CDK14: variants seen among roughly 807,000 people sequenced by gnomAD.
CDK14 encodes the protein cyclin dependent kinase 14.
In CDK14, 34 loss-of-function variants were observed where a neutral mutation model predicts 60.7. The observed-to-expected ratio is 0.56, with a 90% CI of 0.43 to 0.75. The LOEUF is 0.75. CDK14 is among the 30% of genes least tolerant of loss of function. CDK14 has a pLI of 0.00. For synonymous variants in CDK14, 197 were observed against 203.7 expected, an observed-to-expected ratio of 0.97 and a Z score of 0.28; for missense variants, 482 against 564.1, an observed-to-expected ratio of 0.85 and a Z score of 1.47.
intron 5 of CDK14, among the ~76,000 whole-genome samples, chr7:90,855,857 C>G (rs1790802562): frequency 6.6e-6 from 1 of 152,130 alleles, no homozygotes; most frequent in African/African-American, 2.4e-5. Context: ...TGGAAGTAGC[C>G]TGTATCTCAC....
intron 10 of CDK14, among the ~76,000 whole-genome samples, chr7:90,985,347 C>T (rs1214106347): frequency 6.6e-6 from 1 of 152,038 alleles, no homozygotes; most frequent in Non-Finnish European, 1.5e-5. Context: ...ATAATAACAG[C>T]ACCTTCTTCA....
At chr7:91,036,859 T>C (rs1796949263) in intron 10 of CDK14, among the ~76,000 whole-genome samples, 1 of 152,170 alleles carries the variant, frequency 6.6e-6, no homozygotes, top group African/African-American at 2.4e-5. Context: ...CCCTGCATTG[T>C]TCAAGGGCCA....
In CDK14 at chr7:90,660,594, G is replaced by A. The variant is rs548219277; in HGVS notation, c.123+56345G>A. Among the ~76,000 whole-genome samples the A allele has an allele frequency of 2.4e-4, 37 of 152,226 alleles. No homozygotes were observed. In the South Asian group the frequency reaches 5.2e-3, roughly 21 times the overall value. Reference sequence around the variant, plus strand: ...AGAATTTCTGGTGTCAAAATGTGACGAACTAACAGATAAAATAATGTGTAT... The same window carrying A: ...AGAATTTCTGGTGTCAAAATGTGACAAACTAACAGATAAAATAATGTGTAT... On this transcript the variant is annotated intron_variant, in intron 2 of 14. Coordinates refer to ENST00000380050, the MANE Select transcript of CDK14 (RefSeq NM_001287135.2).
At chr7:91,056,109 T>G (rs2073067993) in intron 11 of CDK14, among the ~76,000 whole-genome samples, 2 of 152,104 alleles carry the variant, frequency 1.3e-5, no homozygotes, top group African/African-American at 4.8e-5. Flanking sequence ...GGATTGGAAG[T>G]TTGGATGTAA....
chr7:91,095,927 C>T (rs2666025), intron 12 of CDK14, among the ~76,000 whole-genome samples: 16,404 of 151,478 alleles, frequency 0.11, 1,062 homozygotes, highest in Non-Finnish European at 0.15. Context: ...AGAGTTTCTG[C>T]TTAGGGTGAT....
chr7:91,176,041 T>C (rs535393546), intron 14 of CDK14, among the ~76,000 whole-genome samples: 15 of 152,178 alleles, frequency 9.9e-5, no homozygotes, highest in South Asian at 6.2e-4. Flanking sequence ...TATTCCAAAA[T>C]TGACCACATA....
chr7:90,794,165 T>C (rs945016243), intron 5 of CDK14, among the ~76,000 whole-genome samples: 4 of 152,086 alleles, frequency 2.6e-5, no homozygotes, highest in African/African-American at 9.7e-5. Flanking sequence ...GGAGGGAGTG[T>C]ATGAATAGGA....
rs185142822 is a variant in CDK14 at position 90,850,397 on chromosome 7, T to G, written c.545-12778T>G. ...GTGCTATGGGCACAGCAGGAGTAAG[T>G]GTAAATAATGAGTGAGTGGGGGATA... is the stretch of plus-strand genomic sequence containing the variant. On this transcript the variant is annotated intron_variant, in intron 5 of 14. Coordinates refer to ENST00000380050, the MANE Select transcript of CDK14 (RefSeq NM_001287135.2). Among the ~76,000 whole-genome samples the G allele has an allele frequency of 4.6e-5, 7 of 152,172 alleles. No individual in the cohort carries two copies. In the East Asian group the frequency reaches 1.4e-3, roughly 29 times the overall value.
At chr7:90,816,263 T>C (rs1213689250) in intron 5 of CDK14, among the ~76,000 whole-genome samples, 3 of 152,068 alleles carry the variant, frequency 2.0e-5, no homozygotes, top group Non-Finnish European at 2.9e-5. Flanking sequence ...GTACTTCCAC[T>C]CCACATCAAC....
intron 1 of CDK14, among the ~76,000 whole-genome samples, chr7:90,600,366 T>A (rs1227046582): frequency 6.6e-6 from 1 of 152,242 alleles, no homozygotes; most frequent in Non-Finnish European, 1.5e-5. Context: ...GAGAAAGGCT[T>A]TATGTAATAT....
intron 5 of CDK14, among the ~76,000 whole-genome samples, chr7:90,792,198 C>CTTTTTTTT (rs35700270): frequency 1.4e-5 from 2 of 143,552 alleles, no homozygotes; most frequent in Admixed American, 6.9e-5. Context: ...CTGTGCCTGC[C>CTTTTTTTT]TTTTTTTTTT....
chr7:90,668,874 AT>A (rs376626521), intron 2 of CDK14, among the ~76,000 whole-genome samples: 7,134 of 143,968 alleles, frequency 0.05, 204 homozygotes, highest in Non-Finnish European at 0.056. Flanking sequence ...GTGCCTGGCT[AT>A]TTTTTTTTTG....
rs1332024825 is a variant in CDK14, at chr7:90,622,296, A to G, written c.123+18047A>G. On this transcript the variant is annotated intron_variant, in intron 2 of 14. Coordinates refer to ENST00000380050, the MANE Select transcript of CDK14 (RefSeq NM_001287135.2). ...TTATCCCTGTTGTTTGGAAACTACA[A>G]TTTGGAATATTCTGTGCACATTTAA... is the stretch of plus-strand genomic sequence containing the variant. Among the ~76,000 whole-genome samples, 10 of 150,856 alleles carry G rather than the reference A, an allele frequency of 6.6e-5. No individual in the cohort carries two copies. In the East Asian group the frequency reaches 1.7e-3, roughly 26 times the overall value.
intron 14 of CDK14, among the ~76,000 whole-genome samples, chr7:91,182,162 C>G (rs1162826631): frequency 6.6e-6 from 1 of 152,134 alleles, no homozygotes; most frequent in Non-Finnish European, 1.5e-5. Context: ...TGCACACACA[C>G]TAGCCTCAGA....
chr7:90,895,300 C>G (rs1445829022), intron 6 of CDK14, among the ~76,000 whole-genome samples: 1 of 120,578 alleles, frequency 8.3e-6, no homozygotes, highest in African/African-American at 3.1e-5. Flanking sequence ...TGTCACTTTT[C>G]CCATTCTTTC....
At chr7:90,843,476 GAT>G (rs1280719750) in intron 5 of CDK14, among the ~76,000 whole-genome samples, 1 of 152,128 alleles carries the variant, frequency 6.6e-6, no homozygotes, top group African/African-American at 2.4e-5. Context: ...GTATATGTGA[GAT>G]ATATTAGTAA....
At chr7:91,177,349 TA>T (rs2115849302) in intron 14 of CDK14, among the ~76,000 whole-genome samples, 1 of 146,598 alleles carries the variant, frequency 6.8e-6, no homozygotes, top group East Asian at 2.0e-4. Flanking sequence ...CCACAGCCAA[TA>T]TCATACTGAA....
chr7:91,162,968 A>G (rs764942131), intron 14 of CDK14, among the ~76,000 whole-genome samples: 100 of 152,240 alleles, frequency 6.6e-4, no homozygotes, highest in Non-Finnish European at 1.1e-3. Context: ...GCACAGTAAT[A>G]CCAGTTGTGC....
At chr7:90,750,956 T>C (rs1057295807) in intron 4 of CDK14, among the ~76,000 whole-genome samples, 1 of 152,224 alleles carries the variant, frequency 6.6e-6, no homozygotes, top group Non-Finnish European at 1.5e-5. Flanking sequence ...TTTCAGAGCT[T>C]GAAGACCAAT....
Sources: allele counts gnomAD v4.1 joint callset (sites outside exome capture counted in the v4.1 genomes callset), GRCh38; gene constraint gnomAD v4.1.1; transcripts MANE v1.5; gene names NCBI Gene and HGNC (gene_info 2026-07-23, HGNC 2026-07-21).